EYS: variants seen among roughly 807,000 people sequenced by gnomAD.
EYS encodes protein eyes shut homolog.
EYS carries 250 observed loss-of-function variants against 282.1 expected under a neutral mutation model. That is an observed-to-expected ratio of 0.89 (90% CI 0.80 to 0.98). EYS has a LOEUF of 0.98. Among genes scored for constraint, EYS ranks in the 50% least tolerant of loss-of-function variants. The pLI is 0.00. For missense variants in EYS, 4,016 were observed against 3,709.0 expected, an observed-to-expected ratio of 1.08 and a Z score of -2.15; for synonymous variants, 1,355 against 1,282.9, an observed-to-expected ratio of 1.06 and a Z score of -1.20.
At chr6:65,308,076 G>A (rs1288809786) in intron 11 of EYS, among the ~76,000 whole-genome samples, 2 of 120,168 alleles carry the variant, frequency 1.7e-5, no homozygotes, top group East Asian at 2.5e-4. Context: ...GGGTTCAAGC[G>A]ATTCTTCTGC....
chr6:64,388,022 G>A lies in EYS; in HGVS notation c.6078+668C>T, dbSNP rs977029105. Among the ~76,000 whole-genome samples the A allele has an allele frequency of 2.0e-5, 3 of 151,982 alleles. No homozygotes were observed. In the South Asian group the frequency reaches 6.2e-4, roughly 31 times the overall value. The stretch of plus-strand genomic sequence containing the variant: ...ATGTTCAAACAGGTAAAATGCAATG[G>A]TAAATATAATAAGGGAAAAGATTAA... On this transcript the variant is annotated intron_variant, in intron 29 of 42. Transcript: ENST00000503581.
intron 32 of EYS, among the ~76,000 whole-genome samples, chr6:64,076,485 T>C (rs891623950): frequency 3.9e-5 from 6 of 151,988 alleles, no homozygotes; most frequent in Admixed American, 2.6e-4. Flanking sequence ...ATAATTCCCA[T>C]GTGTTTTGGG....
chr6:65,162,728 A>G (rs1442726400), intron 12 of EYS, among the ~76,000 whole-genome samples: 1 of 151,100 alleles, frequency 6.6e-6, no homozygotes, highest in East Asian at 2.0e-4. Flanking sequence ...TTCTTATATT[A>G]TTCTCATTGG....
rs144255463 is a variant in EYS at position 64,527,778 on chromosome 6, T to C, written c.5644+62445A>G. Among the ~76,000 whole-genome samples, 376 of 151,900 alleles carry C rather than the reference T, an allele frequency of 2.5e-3. 1 individual carries two copies. Among genetic ancestry groups the C allele is most frequent in the Non-Finnish European group, 4.3e-3 (292 of 67,788 alleles). On this transcript the variant is annotated intron_variant, in intron 26 of 42. Transcript: ENST00000503581. ...TAAAATTTAAAGGAAACCCAAAGTATATGTTTTTTGTTATACAACATTTTA... is the reference window on the plus strand; with the variant it reads ...TAAAATTTAAAGGAAACCCAAAGTACATGTTTTTTGTTATACAACATTTTA...
At chr6:64,118,075 C>A (rs1773450677) in intron 31 of EYS, among the ~76,000 whole-genome samples, 1 of 152,134 alleles carries the variant, frequency 6.6e-6, no homozygotes, top group African/African-American at 2.4e-5. Flanking sequence ...ATTCCATGTT[C>A]ATGGATTAGA....
chr6:65,664,020 G>A (rs977715029), intron 1 of EYS, among the ~76,000 whole-genome samples: 6 of 151,798 alleles, frequency 4.0e-5, no homozygotes, highest in African/African-American at 1.5e-4. Context: ...TACAGGTGCG[G>A]CCACCACGCC....
At chr6:65,151,365 A>G (rs1052941980) in intron 12 of EYS, among the ~76,000 whole-genome samples, 5 of 151,986 alleles carry the variant, frequency 3.3e-5, no homozygotes, top group African/African-American at 1.2e-4. Context: ...GGACAATTTC[A>G]GTTCTGGTAT....
intron 35 of EYS, among the ~76,000 whole-genome samples, chr6:63,940,019 C>T (rs758733857): frequency 2.6e-5 from 4 of 152,138 alleles, no homozygotes; most frequent in Non-Finnish European, 5.9e-5. Flanking sequence ...ACTTAAAATG[C>T]GATGTGACCT....
rs181214920 is a variant in EYS at position 64,598,771 on chromosome 6, T to A, written c.3685-5462A>T. Among the ~76,000 whole-genome samples the A allele has an allele frequency of 5.9e-5, 9 of 152,348 alleles. No homozygotes were observed. The East Asian group carries it at 1.7e-3, about 29-fold the overall frequency. ...CAAAGTTTCTCCATTATATACTTTGTATTTTAGGAAAGAAATTTGAATTAA... is the reference window on the plus strand; with the variant it reads ...CAAAGTTTCTCCATTATATACTTTGAATTTTAGGAAAGAAATTTGAATTAA... On this transcript the variant is annotated intron_variant, in intron 24 of 42. Coordinates refer to ENST00000503581, the MANE Select transcript of EYS (RefSeq NM_001142800.2).
At chr6:64,692,640 G>A (rs1240970225) in intron 22 of EYS, among the ~76,000 whole-genome samples, 1 of 151,888 alleles carries the variant, frequency 6.6e-6, no homozygotes, top group Non-Finnish European at 1.5e-5. Flanking sequence ...TGATTTAAAA[G>A]AACTATTAGC....
At chr6:65,421,263 T>C (rs776128939) in intron 5 of EYS, among the ~76,000 whole-genome samples, 1 of 151,854 alleles carries the variant, frequency 6.6e-6, no homozygotes, top group Non-Finnish European at 1.5e-5. Flanking sequence ...CAGGAATTCC[T>C]GCTTCACATT....
intron 32 of EYS, among the ~76,000 whole-genome samples, chr6:64,072,107 A>G (rs1250849490): frequency 6.6e-6 from 1 of 152,014 alleles, no homozygotes; most frequent in Non-Finnish European, 1.5e-5. Flanking sequence ...AATACATAAT[A>G]ATAAAAATAG....
intron 33 of EYS, among the ~76,000 whole-genome samples, chr6:64,023,105 T>G (rs571165614): frequency 1.3e-5 from 2 of 152,258 alleles, no homozygotes; most frequent in African/African-American, 4.8e-5. Context: ...TGGAATCATA[T>G]AATACTTGTC....
At chr6:65,459,994 A>ATT (rs1164526137) in intron 5 of EYS, among the ~76,000 whole-genome samples, 4 of 136,110 alleles carry the variant, frequency 2.9e-5, no homozygotes, top group Non-Finnish European at 6.3e-5. Flanking sequence ...ATATATATAT[A>ATT]TATATATATA....
At chr6:64,417,670 GCT>G (rs1774098752) in intron 28 of EYS, among the ~76,000 whole-genome samples, 1 of 99,696 alleles carries the variant, frequency 1.0e-5, no homozygotes, top group East Asian at 3.2e-4. Flanking sequence ...GTAAGGGTTG[GCT>G]TTTTTTTTTT....
intron 2 of EYS, among the ~76,000 whole-genome samples, chr6:65,609,721 C>T (rs1765926437): frequency 6.6e-6 from 1 of 152,080 alleles, no homozygotes; most frequent in South Asian, 2.1e-4. Context: ...GTTCTTTAAA[C>T]AATCAGTTTC....
chr6:65,159,024 G>C (rs1764791259), intron 12 of EYS, among the ~76,000 whole-genome samples: 1 of 150,724 alleles, frequency 6.6e-6, no homozygotes, highest in Admixed American at 6.6e-5. Flanking sequence ...TTAATAGTGA[G>C]AACATGCCAC....
chr6:64,898,320 T>G (rs1231463391), intron 18 of EYS, among the ~76,000 whole-genome samples: 2 of 152,088 alleles, frequency 1.3e-5, no homozygotes, highest in South Asian at 2.1e-4. Context: ...AAGAAAAGAA[T>G]TTTCAACCCA....
chr6:64,518,786 C>G (rs1777641585), intron 26 of EYS, among the ~76,000 whole-genome samples: 1 of 150,520 alleles, frequency 6.6e-6, no homozygotes, highest in Admixed American at 6.6e-5. Flanking sequence ...AGGGGCCCCC[C>G]CCTTCTCAGG....
Sources: allele counts gnomAD v4.1 joint callset (sites outside exome capture counted in the v4.1 genomes callset), GRCh38; gene constraint gnomAD v4.1.1; transcripts MANE v1.5; gene names NCBI Gene and HGNC (gene_info 2026-07-23, HGNC 2026-07-21).